The following MAGI3 variants were observed in gnomAD, a reference collection of about 807,000 sequenced individuals.
MAGI3 encodes membrane-associated guanylate kinase, WW and PDZ domain-containing protein 3.
In MAGI3, 43 loss-of-function variants were observed where a neutral mutation model predicts 121.8. The observed-to-expected ratio is 0.35, with a 90% CI of 0.28 to 0.46. The LOEUF (loss-of-function observed/expected upper bound fraction) is 0.46. Among genes scored for constraint, MAGI3 ranks in the 20% least tolerant of loss-of-function variants. MAGI3 has a pLI of 1.00. For synonymous variants in MAGI3, 553 were observed against 639.3 expected (o/e 0.86, Z 2.04); for missense variants, 1,547 against 1,797.3 (o/e 0.86, Z 2.52).
intron 1 of MAGI3, among the ~76,000 whole-genome samples, chr1:113,514,443 C>T (rs557268528): frequency 2.2e-4 from 34 of 152,014 alleles, no homozygotes; most frequent in African/African-American, 8.0e-4. Context: ...TACTATGCAG[C>T]CATAAAAAAT....
intron 1 of MAGI3, among the ~76,000 whole-genome samples, chr1:113,529,689 G>A (rs1441544389): frequency 6.6e-6 from 1 of 152,010 alleles, no homozygotes; most frequent in East Asian, 1.9e-4. Flanking sequence ...GATGCCTAAA[G>A]CAGATAACTT....
intron 1 of MAGI3, among the ~76,000 whole-genome samples, chr1:113,514,511 A>G (rs1452601965): frequency 6.6e-6 from 1 of 151,946 alleles, no homozygotes; most frequent in African/African-American, 2.4e-5. Flanking sequence ...CATTCTCAGT[A>G]AACTATCGCA....
chr1:113,683,881 A>G lies in MAGI3; in HGVS notation c.4313A>G (p.Asn1438Ser). 1 of 1,612,810 alleles carries G rather than the reference A, an allele frequency of 6.2e-7. No individual in the cohort carries two copies. Among genetic ancestry groups the G allele is most frequent in the Non-Finnish European group, 8.5e-7 (1 of 1,179,404 alleles). ...KGKELEAADK[N>S]KETGRFKPES... The stretch of plus-strand genomic sequence containing the variant: ...AAAGAACTAGAGGCAGCTGACAAAA[A>G]CAAAGAGACTGGAAGGTTCAAACCG... Residue 1438 changes from asparagine (N) to serine (S), a missense_variant, in exon 21 of 21, where the codon AAC becomes AGC. Physicochemically the swap from Asn to Ser is conservative, Grantham distance 46. Transcript: ENST00000307546.
chr1:113,607,844 T>A (rs900154985), intron 6 of MAGI3, among the ~76,000 whole-genome samples: 1 of 152,190 alleles, frequency 6.6e-6, no homozygotes, highest in Non-Finnish European at 1.5e-5. Context: ...GTATTAAAGA[T>A]TTTTTATAAT....
intron 16 of MAGI3, among the ~76,000 whole-genome samples, chr1:113,661,618 C>G (rs1374687296): frequency 6.6e-6 from 1 of 152,124 alleles, no homozygotes; most frequent in Non-Finnish European, 1.5e-5. Context: ...AGAGATTATC[C>G]AAGATTGTTC....
At chr1:113,451,022 G>T (rs534817514) in intron 1 of MAGI3, among the ~76,000 whole-genome samples, 4 of 152,234 alleles carry the variant, frequency 2.6e-5, no homozygotes, top group South Asian at 2.1e-4. Context: ...TTGTAGCTTT[G>T]TCTTTTTCTT....
intron 6 of MAGI3, among the ~76,000 whole-genome samples, chr1:113,595,148 G>C (rs1256648283): frequency 6.6e-6 from 1 of 152,086 alleles, no homozygotes; most frequent in East Asian, 1.9e-4. Flanking sequence ...TAACAGTGTA[G>C]TTTTGAGCTG....
chr1:113,413,383 A>C (rs1435649672), intron 1 of MAGI3, among the ~76,000 whole-genome samples: 3 of 152,088 alleles, frequency 2.0e-5, no homozygotes, highest in Non-Finnish European at 4.4e-5. Context: ...TTCCATATAA[A>C]CTTTAAAGTA....
At chr1:113,513,698 A>G (rs915534556) in intron 1 of MAGI3, among the ~76,000 whole-genome samples, 1 of 152,348 alleles carries the variant, frequency 6.6e-6, no homozygotes, top group East Asian at 1.9e-4. Flanking sequence ...AGGCATTACC[A>G]TTCAGGACCT....
intron 1 of MAGI3, among the ~76,000 whole-genome samples, chr1:113,508,821 A>G (rs1006861405): frequency 3.9e-5 from 6 of 152,070 alleles, no homozygotes; most frequent in African/African-American, 1.2e-4. Context: ...TGAGAAATTG[A>G]TTGATTTTTT....
chr1:113,584,010 G>A (rs776617067), intron 3 of MAGI3, among the ~76,000 whole-genome samples: 1 of 152,096 alleles, frequency 6.6e-6, no homozygotes, highest in African/African-American at 2.4e-5. Flanking sequence ...GGTAAACTAT[G>A]TAATGTCTAG....
Position 113,449,178 on chromosome 1 carries a change from G to C in MAGI3, c.316+57829G>C, listed in dbSNP as rs527463705. Among the ~76,000 whole-genome samples, 3 of 152,022 alleles carry C rather than the reference G, an allele frequency of 2.0e-5. No individual in the cohort carries two copies. In the South Asian group the frequency reaches 6.2e-4, roughly 32 times the overall value. ...GGGCAATAATGTGATATGCTGGATA[G>C]TAAAAAGTTAATGAGGACATAGATG... On this transcript the variant is annotated intron_variant, in intron 1 of 20. Coordinates refer to ENST00000307546, the MANE Select transcript of MAGI3 (RefSeq NM_001142782.2).
At chr1:113,392,825 G>A (rs1420770727) in intron 1 of MAGI3, among the ~76,000 whole-genome samples, 2 of 152,010 alleles carry the variant, frequency 1.3e-5, no homozygotes, top group South Asian at 2.1e-4. Context: ...AAGACTTTTG[G>A]GGCTGTAATT....
intron 3 of MAGI3, 51 bp from the exon 4 acceptor site, chr1:113,585,336 T>G: frequency 6.4e-7 from 1 of 1,551,004 alleles, no homozygotes; most frequent in South Asian, 1.1e-5. Flanking sequence ...CAAATTGCTC[T>G]GACTCTCACT....
chr1:113,482,180 C>T (rs1307248009), intron 1 of MAGI3, among the ~76,000 whole-genome samples: 5 of 151,980 alleles, frequency 3.3e-5, no homozygotes, highest in African/African-American at 9.7e-5. Flanking sequence ...AATTGTGATA[C>T]TCAGAAGACA....
chr1:113,566,466 G>A (rs11102654), intron 2 of MAGI3, among the ~76,000 whole-genome samples: 34,174 of 151,904 alleles, frequency 0.22, 4,897 homozygotes, highest in East Asian at 0.65. Context: ...GGACCTAACC[G>A]ACATACAGAA....
intron 1 of MAGI3, among the ~76,000 whole-genome samples, chr1:113,508,902 A>C (rs1657476338): frequency 6.6e-6 from 1 of 152,230 alleles, no homozygotes; most frequent in Non-Finnish European, 1.5e-5. Context: ...ACAGTTATGC[A>C]TAAATTATCT....
intron 2 of MAGI3, among the ~76,000 whole-genome samples, chr1:113,564,469 T>C (rs1259824321): frequency 6.6e-6 from 1 of 152,180 alleles, no homozygotes; most frequent in Non-Finnish European, 1.5e-5. Flanking sequence ...CAAGATAAAA[T>C]CAAATGGTTT....
At chr1:113,643,932 G>A (rs890760777) in intron 11 of MAGI3, among the ~76,000 whole-genome samples, 158 bp downstream of exon 11, 6 of 152,168 alleles carry the variant, frequency 3.9e-5, no homozygotes, top group Non-Finnish European at 2.9e-5. Flanking sequence ...CTAGGGAAGC[G>A]TTTGAAAAAG....
Sources: allele counts gnomAD v4.1 joint callset (sites outside exome capture counted in the v4.1 genomes callset), GRCh38; gene constraint gnomAD v4.1.1; transcripts MANE v1.5; gene names NCBI Gene and HGNC (gene_info 2026-07-23, HGNC 2026-07-21).